Variants in PPP2R2B observed in about 807,000 individuals in gnomAD.
PPP2R2B encodes the protein protein phosphatase 2 regulatory subunit Bbeta, also known as serine/threonine-protein phosphatase 2A 55 kDa regulatory subunit B beta isoform.
Under a neutral mutation model 46.0 loss-of-function variants are expected in PPP2R2B, and 5 were observed. The ratio of observed to expected loss-of-function variants is 0.11; its 90% CI spans 0.06 to 0.23. The LOEUF is 0.23. Ranked by LOEUF, PPP2R2B falls within the 10% of genes least tolerant of loss-of-function variation. PPP2R2B has a pLI of 1.00. For synonymous variants in PPP2R2B, 215 were observed against 206.7 expected, an observed-to-expected ratio of 1.04 and a Z score of -0.34; for missense variants, 367 against 575.0, an observed-to-expected ratio of 0.64 and a Z score of 3.70.
chr5:146,983,554 A>C (rs538030235), intron 1 of PPP2R2B, among the ~76,000 whole-genome samples: 1 of 151,954 alleles, frequency 6.6e-6, no homozygotes, highest in Non-Finnish European at 1.5e-5. Flanking sequence ...AAGTTATCAC[A>C]CTCTCCTGGG....
intron 1 of PPP2R2B, among the ~76,000 whole-genome samples, chr5:147,025,950 A>G (rs541205096): frequency 4.0e-4 from 61 of 152,274 alleles, no homozygotes; most frequent in African/African-American, 1.5e-3. Context: ...CTCTTAGTAG[A>G]ATGAATAAAA....
chr5:146,913,225 C>A (rs1763255830), intron 1 of PPP2R2B, among the ~76,000 whole-genome samples: 1 of 152,094 alleles, frequency 6.6e-6, no homozygotes, highest in Admixed American at 6.6e-5. Context: ...AAATGTTTGT[C>A]CTTGTTATTA....
intron 2 of PPP2R2B, 49 bp downstream of exon 2, chr5:146,877,953 G>T: frequency 6.3e-7 from 1 of 1,585,190 alleles, no homozygotes; most frequent in Non-Finnish European, 8.6e-7. Context: ...ACAGTGATCC[G>T]CAACTTGCGC....
chr5:146,911,651 C>T (rs1369027198), intron 1 of PPP2R2B, among the ~76,000 whole-genome samples: 2 of 152,204 alleles, frequency 1.3e-5, no homozygotes, highest in East Asian at 3.9e-4. Flanking sequence ...GAGACTATTG[C>T]CTTTTGGATT....
At chr5:146,691,578 G>A (rs1158001853) in intron 4 of PPP2R2B, among the ~76,000 whole-genome samples, 3 of 152,148 alleles carry the variant, frequency 2.0e-5, no homozygotes, top group African/African-American at 7.2e-5. Context: ...ATGTAACTAA[G>A]AATTTTACAT....
chr5:146,706,960 G>T, intron 2 of PPP2R2B: 3 of 1,040,552 alleles, frequency 2.9e-6, no homozygotes, highest in South Asian at 1.3e-5. Context: ...AGTTGATATC[G>T]TCAGCCCTTC....
chr5:146,846,344 A>G (rs1171747636), intron 2 of PPP2R2B, among the ~76,000 whole-genome samples: 1 of 150,496 alleles, frequency 6.6e-6, no homozygotes, highest in Non-Finnish European at 1.5e-5. Flanking sequence ...GCGCCACCAC[A>G]CTCCAGCCTG....
At chr5:147,020,586 A>G (rs1300234282) in intron 1 of PPP2R2B, among the ~76,000 whole-genome samples, 1 of 152,188 alleles carries the variant, frequency 6.6e-6, no homozygotes, top group Non-Finnish European at 1.5e-5. Flanking sequence ...GAAAGAAAAC[A>G]AAAAGTGAAA....
intron 5 of PPP2R2B, among the ~76,000 whole-genome samples, chr5:146,659,535 A>T (rs917230554): frequency 6.6e-6 from 1 of 152,186 alleles, no homozygotes; most frequent in Non-Finnish European, 1.5e-5. Context: ...CATTTTCAGT[A>T]GCACTGTTAG....
chr5:147,078,012 G>T (rs1296893895), intron 2 of PPP2R2B, among the ~76,000 whole-genome samples: 1 of 152,154 alleles, frequency 6.6e-6, no homozygotes, highest in Non-Finnish European at 1.5e-5. Context: ...CAGGGGCTTT[G>T]GAGTCCCAAA....
Position 146,730,223 on chromosome 5 carries a change from C to T in PPP2R2B, c.71-29081G>A, listed in dbSNP as rs138543031. On this transcript the variant is annotated intron_variant, in intron 2 of 9. Coordinates refer to ENST00000394411, the MANE Select transcript of PPP2R2B (RefSeq NM_181675.4). ...GACACTTGCATAGGCTCAGTAACCC[C>T]TTTGTTTTGGCCAGTATCTCACATT... 7.0e-3 allele frequency among the ~76,000 whole-genome samples: 1,066 copies of T among 152,284 alleles called. 13 individuals carry two copies. The highest frequency in any genetic ancestry group is 0.023 in the African/African-American group (964 of 41,558).
intron 2 of PPP2R2B, among the ~76,000 whole-genome samples, chr5:146,802,908 G>T (rs1233309819): frequency 6.6e-6 from 1 of 152,120 alleles, no homozygotes; most frequent in Non-Finnish European, 1.5e-5. Context: ...GTCCAACCTG[G>T]CTATTAGAAC....
At chr5:146,688,983 T>C (rs1778670052) in intron 5 of PPP2R2B, among the ~76,000 whole-genome samples, 1 of 152,054 alleles carries the variant, frequency 6.6e-6, no homozygotes, top group Non-Finnish European at 1.5e-5. Context: ...CAGTACGGTG[T>C]TTGCCACTTA....
intron 1 of PPP2R2B, among the ~76,000 whole-genome samples, chr5:146,935,049 G>T (rs911099737): frequency 1.3e-5 from 2 of 151,990 alleles, no homozygotes; most frequent in Admixed American, 6.6e-5. Flanking sequence ...TAGTTTCTAG[G>T]CATTGAAGAT....
At chr5:146,976,302 T>A (rs1469739042) in intron 1 of PPP2R2B, among the ~76,000 whole-genome samples, 3 of 151,858 alleles carry the variant, frequency 2.0e-5, no homozygotes, top group Non-Finnish European at 4.4e-5. Flanking sequence ...TACGCCCAAC[T>A]AATTTTTGTA....
chr5:146,677,575 G>A (rs529613136), intron 5 of PPP2R2B, among the ~76,000 whole-genome samples: 134 of 117,296 alleles, frequency 1.1e-3, no homozygotes, highest in African/African-American at 4.0e-3. Context: ...GTCTCACTCT[G>A]TCACTCAGGC....
upstream of PPP2R2B, among the ~76,000 whole-genome samples, chr5:147,056,421 C>T (rs1740382558): frequency 6.6e-6 from 1 of 152,132 alleles, no homozygotes; most frequent in South Asian, 2.1e-4. Context: ...AGAGGGCTAA[C>T]ACAGATAGAT....
intron 2 of PPP2R2B, among the ~76,000 whole-genome samples, chr5:146,820,310 T>C (rs1420665431): frequency 6.6e-6 from 1 of 152,162 alleles, no homozygotes; most frequent in Non-Finnish European, 1.5e-5. Flanking sequence ...ATTGTACCCA[T>C]ATAGGTACAA....
At position 146,842,441 on chromosome 5, in the gene PPP2R2B, G is replaced by GA. The variant is rs144838740; in HGVS notation, c.70+35560dup. ...ACTCTAACCATAATTCAAGAAAAAG[G>GA]AAAAAAAAAAGACATACTTCAAAAA... On this transcript the variant is annotated intron_variant, in intron 2 of 9. Transcript: ENST00000394411. Among the ~76,000 whole-genome samples the GA allele has an allele frequency of 4.5e-3, 596 of 132,682 alleles. 6 individuals are homozygous for GA. The highest frequency in any genetic ancestry group is 4.1e-3 in the Middle Eastern group (1 of 244). 87.0% of individuals were successfully genotyped at this position (132,682 alleles called of 152,430 possible). A position where few individuals can be genotyped will look rare whatever the true frequency, so the allele number is the denominator to read the frequency against.
Sources: allele counts gnomAD v4.1 joint callset (sites outside exome capture counted in the v4.1 genomes callset), GRCh38; gene constraint gnomAD v4.1.1; transcripts MANE v1.5; gene names NCBI Gene and HGNC (gene_info 2026-07-23, HGNC 2026-07-21).